ZNF346: variants seen among roughly 807,000 people sequenced by gnomAD.
ZNF346 encodes double-stranded RNA-binding zinc finger protein JAZ.
ZNF346 carries 23 observed loss-of-function variants against 33.7 expected under a neutral mutation model. The observed-to-expected ratio is 0.68, with a 90% CI of 0.49 to 0.97. ZNF346 has a LOEUF of 0.97. ZNF346 is among the 50% of genes least tolerant of loss of function. The pLI is 0.00. For missense variants in ZNF346, 340 were observed against 371.1 expected (o/e 0.92, Z 0.69); for synonymous variants, 134 against 142.4 (o/e 0.94, Z 0.42).
rs1581865255 is a variant in ZNF346, at chr5:177,044,441, C to G, written c.425C>G (p.Thr142Ser). ...KNQCCPICNM[T>S]FSSPVVAQSH... ...CAGTGCTGCCCCATCTGTAACATGA[C>G]CTTTTCCTCCCCTGTCGTGGCCCAG... is the stretch of plus-strand genomic sequence containing the variant. Residue 142 changes from threonine (T) to serine (S), a missense_variant, in exon 4 of 7, where the codon ACC becomes AGC. Physicochemically the swap from Thr to Ser is moderately conservative, Grantham distance 58 (BLOSUM62 1). Transcript: ENST00000358149. The G allele has an allele frequency of 6.2e-7, 1 of 1,614,078 alleles. No individual in the cohort carries two copies. Among genetic ancestry groups the G allele is most frequent in the African/African-American group, 1.3e-5 (1 of 75,034 alleles).
intron 5 of ZNF346, among the ~76,000 whole-genome samples, chr5:177,059,827 G>T (rs560316969): frequency 1.3e-5 from 2 of 152,214 alleles, no homozygotes; most frequent in African/African-American, 4.8e-5. Flanking sequence ...AAACAAGACA[G>T]GTATTGTCTG....
At chr5:177,034,306 C>T (rs1778163625) in intron 1 of ZNF346, among the ~76,000 whole-genome samples, 1 of 151,118 alleles carries the variant, frequency 6.6e-6, no homozygotes, top group East Asian at 1.9e-4. Context: ...CAGCCTTGAC[C>T]TCCTGGGCTC....
At chr5:177,071,314 C>T (rs1292938806), downstream of ZNF346, among the ~76,000 whole-genome samples, 2 of 149,032 alleles carry the variant, frequency 1.3e-5, no homozygotes, top group Non-Finnish European at 1.5e-5. Context: ...GCAGGAGGAT[C>T]GCTTGAGCCC....
At chr5:177,062,200 A>T (rs2149703797) in intron 6 of ZNF346, 49 bp downstream of exon 6, 1 of 1,498,820 alleles carries the variant, frequency 6.7e-7, no homozygotes, top group Non-Finnish European at 9.3e-7. Flanking sequence ...GGAGCTCAGG[A>T]CTTCTGCATC....
At chr5:177,054,229 A>T (rs1214520695) in intron 5 of ZNF346, among the ~76,000 whole-genome samples, 1 of 151,496 alleles carries the variant, frequency 6.6e-6, no homozygotes, top group Non-Finnish European at 1.5e-5. Flanking sequence ...GTGCCACCAC[A>T]CCTGGCTACT....
intron 1 of ZNF346, chr5:177,023,251 GC>G: frequency 1.3e-6 from 2 of 1,515,578 alleles, no homozygotes; most frequent in Non-Finnish European, 1.8e-6. Context: ...CAAGCCGAGT[GC>G]CCCTCACCAC....
intron 5 of ZNF346, among the ~76,000 whole-genome samples, chr5:177,058,419 C>T (rs1782039035): frequency 6.6e-6 from 1 of 151,598 alleles, no homozygotes; most frequent in African/African-American, 2.4e-5. Context: ...TGCAGTGAGC[C>T]GAGATCACGC....
chr5:177,058,204 G>A (rs1456258644), intron 5 of ZNF346, among the ~76,000 whole-genome samples: 1 of 151,764 alleles, frequency 6.6e-6, no homozygotes, highest in Admixed American at 6.6e-5. Context: ...GCTGGGCGCG[G>A]TGGCTCACGC....
chr5:177,067,002 G>A lies in ZNF346; in HGVS notation c.*2403G>A, dbSNP rs559629204. On this transcript the variant is annotated 3_prime_UTR_variant, in exon 7 of 7. Transcript: ENST00000358149. ...GCTTGAACCCGGGAGGCGGAGGGTC[G>A]CATTGAGCCAAGATCGTGCCACTGC... Among the ~76,000 whole-genome samples, 2 of 151,964 alleles carry A rather than the reference G, an allele frequency of 1.3e-5. No individual in the cohort carries two copies. Among genetic ancestry groups the A allele is most frequent in the East Asian group, 1.9e-4 (1 of 5,132 alleles).
downstream of ZNF346, among the ~76,000 whole-genome samples, chr5:177,072,913 G>A (rs1055373584): frequency 2.0e-5 from 3 of 152,204 alleles, no homozygotes; most frequent in Admixed American, 1.3e-4. Context: ...TTTTCTTTAA[G>A]TCAGTTGAGT....
At chr5:177,043,490 G>T (rs1779624933) in intron 3 of ZNF346, among the ~76,000 whole-genome samples, 1 of 152,248 alleles carries the variant, frequency 6.6e-6, no homozygotes, top group South Asian at 2.1e-4. Context: ...GGGAGGCTGG[G>T]TGCGGTGGCT....
chr5:177,054,551 A>C (rs902348351), intron 5 of ZNF346, among the ~76,000 whole-genome samples: 1 of 151,316 alleles, frequency 6.6e-6, no homozygotes, highest in Admixed American at 6.6e-5. Context: ...GGTGCCCACC[A>C]CCATGCCCGG....
chr5:177,059,880 G>A (rs1032519821), intron 5 of ZNF346, among the ~76,000 whole-genome samples: 19 of 152,228 alleles, frequency 1.2e-4, no homozygotes, highest in Non-Finnish European at 1.5e-5. Context: ...GACAGGCATT[G>A]AGCAAACAGT....
intron 1 of ZNF346, among the ~76,000 whole-genome samples, chr5:177,027,974 A>G (rs1225752183): frequency 1.6e-5 from 2 of 122,166 alleles, no homozygotes; most frequent in African/African-American, 6.3e-5. Flanking sequence ...GTGGAAAGGT[A>G]TTTGATTATT....
Position 177,041,956 on chromosome 5 carries a change from G to A in ZNF346, c.372+86G>A, listed in dbSNP as rs7710254. Reference sequence around the variant, plus strand: ...GTGGTGAACAAGTCAGACTGTCTTGGCTTCAAATCCTGGCCCTGTTGTGTG... The same window carrying A: ...GTGGTGAACAAGTCAGACTGTCTTGACTTCAAATCCTGGCCCTGTTGTGTG... On this transcript the variant is annotated intron_variant, in intron 3 of 6. Transcript: ENST00000358149. 93 of 809,078 alleles carry A rather than the reference G, an allele frequency of 1.1e-4. No individual in the cohort carries two copies. In the African/African-American group the frequency reaches 1.2e-3, roughly 10 times the overall value. The allele number at this position is 809,078 out of a possible 1,614,324, so 50.1% of individuals were successfully genotyped here. A position where few individuals can be genotyped will look rare whatever the true frequency, so the allele number is the denominator to read the frequency against.
At chr5:177,080,205 C>G (rs1333684478) in exon 9 of ZNF346, 1 of 152,098 alleles carries the variant, frequency 6.6e-6, no homozygotes, top group African/African-American at 2.4e-5. Context: ...ACAGATGTAC[C>G]CAGAATTGAG....
At chr5:177,080,641 C>T (rs1783940640) in exon 9 of ZNF346, 1 of 152,272 alleles carries the variant, frequency 6.6e-6, no homozygotes, top group South Asian at 2.1e-4. Flanking sequence ...AACCCCGTCT[C>T]TACCAAAAAT....
At chr5:177,023,284 A>G (rs1454410434) in intron 1 of ZNF346, 3 of 1,326,836 alleles carry the variant, frequency 2.3e-6, no homozygotes, top group South Asian at 2.5e-5. Context: ...CCATCGTCCC[A>G]ATCTCCAGAT....
rs1783161024 is a variant in ZNF346, at chr5:177,066,327, G to A, written c.*1728G>A. 6.6e-6 allele frequency among the ~76,000 whole-genome samples: 1 copy of A among 151,944 alleles called. No individual in the cohort carries two copies. Among genetic ancestry groups the A allele is most frequent in the Non-Finnish European group, 1.5e-5 (1 of 67,988 alleles). On this transcript the variant is annotated 3_prime_UTR_variant, in exon 7 of 7. Transcript: ENST00000358149. ...GAAAGGAGACAAGGAGGCCAGTATG[G>A]ACACTGTGTCCAGTATGGCTTTCCA...
Sources: gnomAD v4.1 joint callset for allele counts (sites outside exome capture counted in the v4.1 genomes callset) on GRCh38, gnomAD v4.1.1 for gene constraint, MANE v1.5 for transcripts, NCBI Gene and HGNC (gene_info 2026-07-23, HGNC 2026-07-21) for gene names.